Variants in TNKS1BP1 observed in about 807,000 individuals in gnomAD.
TNKS1BP1 encodes 182 kDa tankyrase-1-binding protein.
In TNKS1BP1, 48 loss-of-function variants were observed where a neutral mutation model predicts 141.1. The observed-to-expected ratio is 0.34, with a 90% CI of 0.27 to 0.43. TNKS1BP1 has a LOEUF of 0.43. TNKS1BP1 is among the 20% of genes least tolerant of loss of function. TNKS1BP1 has a pLI of 1.00. For synonymous variants in TNKS1BP1, 875 were observed against 898.2 expected, an observed-to-expected ratio of 0.97 and a Z score of 0.46; for missense variants, 2,149 against 2,226.0, an observed-to-expected ratio of 0.97 and a Z score of 0.70.
rs1177967294 is a variant in TNKS1BP1, at chr11:57,302,180, G to A, written c.4728C>T (p.Asn1576=). The A allele has an allele frequency of 6.2e-7, 1 of 1,613,298 alleles. No homozygotes were observed. The highest frequency in any genetic ancestry group is 2.2e-5 in the East Asian group (1 of 44,854). ...CCCGGTGCCCACGCTTGCGCCCCAA[G>A]TTGGCACGGCTCCGATACATGGCAC... ...LDSAMYRSRA[N]LGRKRGHRAP... is the part of the protein sequence containing the mutation. Residue 1576 remains asparagine (N), a synonymous_variant, in exon 8 of 12, where the codon AAC becomes AAT. Coordinates refer to ENST00000358252, the MANE Select transcript of TNKS1BP1 (RefSeq NM_033396.3). This position sits in a 1 kb window ranked among gnomAD's most constrained non-coding sequence, Gnocchi z 5.5.
chr11:57,304,636 A>ACTGCACTCCAGCCCAGGCAAC (rs1289094520), intron 6 of TNKS1BP1, among the ~76,000 whole-genome samples: 1 of 152,116 alleles, frequency 6.6e-6, no homozygotes, highest in South Asian at 2.1e-4. Flanking sequence ...TTGGGAGGCC[A>ACTGCACTCCAGCCCAGGCAAC]AAACAGGCGG....
chr11:57,324,375 G>C (rs982176145), intron 1 of TNKS1BP1, among the ~76,000 whole-genome samples: 1 of 152,100 alleles, frequency 6.6e-6, no homozygotes, highest in South Asian at 2.1e-4. Context: ...CTGCGGTGGC[G>C]GCAGAAGCGG....
chr11:57,306,876 G>A (rs931277685), intron 6 of TNKS1BP1, among the ~76,000 whole-genome samples: 1 of 115,940 alleles, frequency 8.6e-6, no homozygotes, highest in Admixed American at 1.3e-4. Flanking sequence ...ACCCCACACA[G>A]AACGGAAAGG....
chr11:57,320,034 C>A, intron 3 of TNKS1BP1, 45 bp downstream of exon 3: 2 of 1,578,374 alleles, frequency 1.3e-6, no homozygotes, highest in Admixed American at 1.7e-5. Flanking sequence ...CCCACCCCAC[C>A]TGACCTCCAG....
At chr11:57,322,341 G>A (rs1284711577) in intron 1 of TNKS1BP1, 12 of 986,726 alleles carry the variant, frequency 1.2e-5, no homozygotes, top group Non-Finnish European at 1.4e-5. Flanking sequence ...ATCACCTCAC[G>A]GGAGACGGGA....
Position 57,310,083 on chromosome 11 carries a change from G to A in TNKS1BP1, c.2628C>T (p.Tyr876=), listed in dbSNP as rs141853049. ...EFGKRDSLGT[Y]SSRDVSLGDW... is the part of the protein sequence containing the mutation. Reference sequence around the variant, plus strand: ...CCCCAAGGCTTACATCTCGACTACTGTAGGTACCCAGTGAATCTCTCTTTC... The same window carrying A: ...CCCCAAGGCTTACATCTCGACTACTATAGGTACCCAGTGAATCTCTCTTTC... Residue 876 remains tyrosine (Y), a synonymous_variant, in exon 6 of 12, where the codon TAC becomes TAT. Coordinates refer to ENST00000358252, the MANE Select transcript of TNKS1BP1 (RefSeq NM_033396.3). 2.0e-4 allele frequency: 321 copies of A among 1,614,140 alleles called. 1 individual carries two copies. The Middle Eastern group carries it at 2.3e-3, about 12-fold the overall frequency.
At chr11:57,321,653 A>G in intron 2 of TNKS1BP1, 139 bp downstream of exon 2, 3 of 953,966 alleles carry the variant, frequency 3.1e-6, no homozygotes, top group Admixed American at 5.7e-5. Context: ...TTTCAAACTC[A>G]TCCTGTACTG....
Position 57,313,110 on chromosome 11 carries a change from C to A in TNKS1BP1, c.1578G>T (p.Gln526His). Residue 526 changes from glutamine (Q) to histidine (H), a missense_variant, in exon 5 of 12, where the codon CAG becomes CAT. Transcript: ENST00000358252. ...GAGCTGACCCAGCCCCTTGCCCCTG[C>A]TGAGACACTCCTTCTTCCCTGCTGG... is the stretch of plus-strand genomic sequence containing the variant. ...AVSSREEGVS[Q>H]QGQGAGSAPS... 1.2e-6 allele frequency: 2 copies of A among 1,613,398 alleles called. No homozygotes were observed. The highest frequency in any genetic ancestry group is 1.7e-6 in the Non-Finnish European group (2 of 1,180,026).
At chr11:57,301,761 A>T (rs1351937227) in intron 9 of TNKS1BP1, 46 bp downstream of exon 9, 1 of 1,588,492 alleles carries the variant, frequency 6.3e-7, no homozygotes, top group South Asian at 1.1e-5. Flanking sequence ...CAAGGTGGCC[A>T]CCTGGCCAGA....
chr11:57,305,379 G>A (rs115491109), intron 6 of TNKS1BP1, among the ~76,000 whole-genome samples: 1 of 152,228 alleles, frequency 6.6e-6, no homozygotes, highest in African/African-American at 2.4e-5. Flanking sequence ...TCCTCAACAC[G>A]GGTCCCTGGC....
chr11:57,319,144 C>CAAAA (rs558416849), intron 3 of TNKS1BP1, among the ~76,000 whole-genome samples: 1 of 64,288 alleles, frequency 1.6e-5, no homozygotes. Context: ...GACTCCGTCT[C>CAAAA]AAAAAAAAAA....
In TNKS1BP1 at chr11:57,310,221, C is replaced by A; in HGVS notation, c.2490G>T (p.Gln830His). The change falls in exon 6 of 12, where the codon CAG (glutamine) becomes CAT (histidine). Residue 830 changes from glutamine to histidine, a missense_variant. By Grantham distance (24) the Gln-to-His change is conservative. Coordinates refer to ENST00000358252, the MANE Select transcript of TNKS1BP1 (RefSeq NM_033396.3). ...CCTCCTGGCTCCGCTGAGTGCCAAG[C>A]TGGGCTGGCTTTCCAACTACCCGGT... ...AQDRVVGKPA[Q>H]LGTQRSQEAD... 6.2e-7 allele frequency: 1 copy of A among 1,614,224 alleles called. No homozygotes were observed. Among genetic ancestry groups the A allele is most frequent in the Non-Finnish European group, 8.5e-7 (1 of 1,180,036 alleles).
At chr11:57,322,084 G>T (rs1221471835) in intron 1 of TNKS1BP1, 134 bp from the exon 2 acceptor site, 4 of 476,382 alleles carry the variant, frequency 8.4e-6, no homozygotes, top group South Asian at 2.3e-5. Flanking sequence ...GGGGGGGGGG[G>T]TAGGAGGAGG....
chr11:57,319,767 C>CA (rs35985668), intron 3 of TNKS1BP1, among the ~76,000 whole-genome samples: 46,438 of 102,692 alleles, frequency 0.45, 9,969 homozygotes, highest in East Asian at 0.7. Flanking sequence ...AACACCATCT[C>CA]AAAAAAAAAA....
Position 57,300,926 on chromosome 11 carries a change from C to T in TNKS1BP1, c.5087G>A (p.Gly1696Glu). The T allele has an allele frequency of 6.2e-7, 1 of 1,614,144 alleles. No homozygotes were observed. The highest frequency in any genetic ancestry group is 1.1e-5 in the South Asian group (1 of 91,068). ...CTTGGGAGGTAACGTGAGGGGCTTT[C>T]CCAGTCCTGGGACCTTGCAGGATTT... The part of the protein sequence containing the change: ...RSKSCKVPGL[G>E]KPLTLPPKPE... The change falls in exon 10 of 12, where the codon GGA becomes GAA. Residue 1696 changes from glycine to glutamate, a missense_variant. Gly to Glu is a moderately conservative substitution (Grantham distance 98). Transcript: ENST00000358252.
Position 57,309,770 on chromosome 11 carries a change from G to A in TNKS1BP1, c.2941C>T (p.Pro981Ser), listed in dbSNP as rs760398703. ...DAQDRSFGTR[P>S]LSSGFSPEEA... ...TCGGGGCTGAACCCAGAGCTCAGGG[G>A]TCTCGTTCCAAAGCTTCTGTCCTGG... Residue 981 changes from proline (P) to serine (S), a missense_variant, in exon 6 of 12, where the codon CCC becomes TCC. Coordinates refer to ENST00000358252, the MANE Select transcript of TNKS1BP1 (RefSeq NM_033396.3). This position sits in a 1 kb window ranked among gnomAD's most constrained non-coding sequence, Gnocchi z 4.3. 3 of 1,614,194 alleles carry A rather than the reference G, an allele frequency of 1.9e-6. No individual in the cohort carries two copies. The highest frequency in any genetic ancestry group is 3.3e-5 in the Admixed American group (2 of 60,028).
chr11:57,305,447 G>C (rs988732161), intron 6 of TNKS1BP1, among the ~76,000 whole-genome samples: 7 of 152,132 alleles, frequency 4.6e-5, no homozygotes, highest in Non-Finnish European at 8.8e-5. Flanking sequence ...CTAAACTTTA[G>C]AGTACCCTGA....
chr11:57,320,849 C>T, intron 2 of TNKS1BP1, 137 bp from the exon 3 acceptor site: 1 of 1,040,342 alleles, frequency 9.6e-7, no homozygotes, highest in Non-Finnish European at 1.3e-6. Context: ...TCATATGCCA[C>T]CTCTTCCATG....
chr11:57,313,636 G>T lies in TNKS1BP1; in HGVS notation c.1052C>A (p.Thr351Asn). ...CTCGGCAGGGAGCCCCGGGCTGGGGGTGTGGCGGGAGCCCTCGTCAGGCAG... is the reference window on the plus strand; with the variant it reads ...CTCGGCAGGGAGCCCCGGGCTGGGGTTGTGGCGGGAGCCCTCGTCAGGCAG... ...AALPDEGSRHTPSPGLPAEGA... is the reference protein window; with the variant it reads ...AALPDEGSRHNPSPGLPAEGA... Residue 351 changes from threonine to asparagine, a missense_variant, in exon 5 of 12, where the codon ACC becomes AAC. Thr to Asn is a moderately conservative substitution (Grantham distance 65). Transcript: ENST00000358252. 1.3e-6 allele frequency: 2 copies of T among 1,563,572 alleles called. No individual in the cohort carries two copies. Among genetic ancestry groups the T allele is most frequent in the Non-Finnish European group, 8.7e-7 (1 of 1,154,462 alleles).
Sources: gnomAD v4.1 joint callset for allele counts (sites outside exome capture counted in the v4.1 genomes callset) on GRCh38, gnomAD v4.1.1 for gene constraint, Gnocchi (gnomAD v3.1) non-coding constraint, MANE v1.5 for transcripts, NCBI Gene and HGNC (gene_info 2026-07-23, HGNC 2026-07-21) for gene names.